The following AMT variants were observed in gnomAD, a reference collection of about 807,000 sequenced individuals.
AMT encodes aminomethyltransferase.
A neutral mutation model predicts 39.5 loss-of-function variants in AMT; 24 were observed. That is an observed-to-expected ratio of 0.61 (90% CI 0.44 to 0.86). The LOEUF (loss-of-function observed/expected upper bound fraction) is 0.86, where lower values mean the gene tolerates loss of function less well. Ranked by LOEUF, AMT falls within the 40% of genes least tolerant of loss-of-function variation. The pLI, the probability that AMT is intolerant of heterozygous loss-of-function variation, is 0.00. For missense variants in AMT, 501 were observed against 537.0 expected (o/e 0.93, Z 0.66); for synonymous variants, 210 against 212.1 (o/e 0.99, Z 0.09).
In AMT at chr3:49,422,374, A is replaced by T. The variant is rs1362609880; in HGVS notation, c.77T>A (p.Leu26His). 17 of 1,613,856 alleles carry T rather than the reference A, an allele frequency of 1.1e-5. No homozygotes were observed. The highest frequency in any genetic ancestry group is 1.3e-5 in the Non-Finnish European group (15 of 1,179,978). The change falls in exon 1 of 9, where the codon CTT becomes CAT. Residue 26 changes from leucine to histidine, a missense_variant. By Grantham distance (99) the Leu-to-His change is moderately conservative (BLOSUM62 -3). Coordinates refer to ENST00000273588, the MANE Select transcript of AMT (RefSeq NM_000481.4). ...CCTCTATCCCACCTGTGCGCAACTA[A>T]GTGGACGACACAAGGCCGGGGGGAA... ...QAFPPALCRP[L>H]SCAQEVLRRT...
At chr3:49,420,066 G>T in intron 4 of AMT, 145 bp downstream of exon 4, 1 of 1,127,578 alleles carries the variant, frequency 8.9e-7, no homozygotes, top group Non-Finnish European at 1.3e-6. Flanking sequence ...CTCCAGAGAG[G>T]GCCTGCTCTT....
Position 49,420,255 on chromosome 3 carries a change from C to G in AMT, c.427G>C (p.Val143Leu), listed in dbSNP as rs777473819. 10 of 1,614,200 alleles carry G rather than the reference C, an allele frequency of 6.2e-6. No individual in the cohort carries two copies. The South Asian group carries it at 1.1e-4, about 18-fold the overall frequency. The change falls in exon 4 of 9, where the codon GTG becomes CTG. Residue 143 changes from valine to leucine, a missense_variant. Physicochemically the swap from Val to Leu is conservative, Grantham distance 32. Transcript: ENST00000273588. ...TTCTCCCAGCAGCCAGCGTTGGACA[C>G]CACATACAGGTGGCCCTCAGAAGTA... Reference protein sequence around the residue: ...TNTSEGHLYVVSNAGCWEKDL... With the variant: ...TNTSEGHLYVLSNAGCWEKDL...
At chr3:49,418,929 C>G (rs536767960) in intron 7 of AMT, 42 bp downstream of exon 7, 3 of 1,607,858 alleles carry the variant, frequency 1.9e-6, no homozygotes, top group East Asian at 2.2e-5. Context: ...AAGGGTCACC[C>G]TGACCTCCAG....
chr3:49,417,839 T>A lies in AMT; in HGVS notation c.1012A>T (p.Asn338Tyr), dbSNP rs1340368768. 1.2e-6 allele frequency: 2 copies of A among 1,613,974 alleles called. No individual in the cohort carries two copies. Among genetic ancestry groups the A allele is most frequent in the Non-Finnish European group, 1.7e-6 (2 of 1,180,028 alleles). Reference protein sequence around the residue: ...APMRAHSPILNMEGTKIGTVT... With the variant: ...APMRAHSPILYMEGTKIGTVT... ...CTACCAATCTTGGTACCCTCCATGT[T>A]CAGGATGGGACTGTGTGCCCGCATG... Residue 338 changes from asparagine to tyrosine, a missense_variant, in exon 8 of 9, where the codon AAC (asparagine) becomes TAC (tyrosine). Physicochemically the swap from Asn to Tyr is moderately radical, Grantham distance 143. Coordinates refer to ENST00000273588, the MANE Select transcript of AMT (RefSeq NM_000481.4).
intron 3 of AMT, chr3:49,421,157 G>C (rs1054864351): frequency 2.8e-6 from 1 of 351,078 alleles, no homozygotes; most frequent in Non-Finnish European, 5.5e-6. Flanking sequence ...CACCCGCCTT[G>C]GCCTCCCCAA....
Position 49,417,838 on chromosome 3 carries a change from T to G in AMT, c.1013A>C (p.Asn338Thr). The change falls in exon 8 of 9, where the codon AAC becomes ACC. Residue 338 changes from asparagine (N) to threonine (T), a missense_variant. Coordinates refer to ENST00000273588, the MANE Select transcript of AMT (RefSeq NM_000481.4). ...CCTACCAATCTTGGTACCCTCCATG[T>G]TCAGGATGGGACTGTGTGCCCGCAT... ...APMRAHSPIL[N>T]MEGTKIGTVT... is the part of the protein sequence containing the mutation. The G allele has an allele frequency of 6.2e-7, 1 of 1,614,106 alleles. No individual in the cohort carries two copies. Among genetic ancestry groups the G allele is most frequent in the South Asian group, 1.1e-5 (1 of 91,084 alleles).
chr3:49,419,506 T>TA (rs780474627), intron 5 of AMT, 101 bp from the exon 6 acceptor site: 88 of 1,558,122 alleles, frequency 5.6e-5, no homozygotes, highest in Non-Finnish European at 7.4e-5. Context: ...GAGCATGTCT[T>TA]ACTCTGCAAG....
chr3:49,417,985 C>A lies in AMT; in HGVS notation c.878-12G>T. The stretch of plus-strand genomic sequence containing the variant: ...TCGGCGGCGCTTCCCTGGAGAATGA[C>A]ACATGAGACATAAGCCACAGCCCAT... On this transcript the variant is annotated splice_polypyrimidine_tract_variant and intron_variant, in intron 7 of 8. Coordinates refer to ENST00000273588, the MANE Select transcript of AMT (RefSeq NM_000481.4). The A allele has an allele frequency of 1.2e-6, 2 of 1,600,948 alleles. No individual in the cohort carries two copies. Among genetic ancestry groups the A allele is most frequent in the Non-Finnish European group, 1.7e-6 (2 of 1,174,586 alleles).
intron 4 of AMT, 127 bp from the exon 5 acceptor site, chr3:49,419,915 A>G (rs1218660543): frequency 2.1e-6 from 2 of 972,794 alleles, no homozygotes; most frequent in African/African-American, 1.6e-5. Context: ...AAAAAAAGGT[A>G]GTAGGCTGGT....
chr3:49,419,907 AAAAAG>A, intron 4 of AMT, 119 bp from the exon 5 acceptor site: 1 of 1,028,368 alleles, frequency 9.7e-7, no homozygotes, highest in Non-Finnish European at 1.5e-6. Context: ...GGGAGGAAAA[AAAAAG>A]GTAGTAGGCT....
rs764050180 is a variant in AMT at position 49,419,766 on chromosome 3, T to G, written c.494A>C (p.Asn165Thr). The change falls in exon 5 of 9, where the codon AAC (asparagine) becomes ACC (threonine). Residue 165 changes from asparagine to threonine, a missense_variant. Physicochemically the swap from Asn to Thr is moderately conservative, Grantham distance 65 (BLOSUM62 0). Transcript: ENST00000273588. The stretch of plus-strand genomic sequence containing the variant: ...CTCCAGGCCCACATCTCTGCCCTGG[T>G]TCTGAAGCTCCCTGACCTTGTCCTA... ...LMQDKVRELQ[N>T]QGRDVGLEVL... 6.2e-6 allele frequency: 10 copies of G among 1,614,086 alleles called. No homozygotes were observed. Among genetic ancestry groups the G allele is most frequent in the Non-Finnish European group, 8.5e-6 (10 of 1,180,022 alleles).
At position 49,419,102 on chromosome 3, in the gene AMT, T is replaced by G; in HGVS notation, c.746A>C (p.Lys249Thr). The change falls in exon 7 of 9, where the codon AAA becomes ACA. Residue 249 changes from lysine (K) to threonine (T), a missense_variant. Physicochemically the swap from Lys to Thr is moderately conservative, Grantham distance 78. Coordinates refer to ENST00000273588, the MANE Select transcript of AMT (RefSeq NM_000481.4). ...CCCTGCCAGCTTCACCTCTGGGTTTTTCAGAATAGCTGTTGCCAGGTGAAC... is the reference window on the plus strand; with the variant it reads ...CCCTGCCAGCTTCACCTCTGGGTTTGTCAGAATAGCTGTTGCCAGGTGAAC... ...GAVHLATAIL[K>T]NPEVKLAGLA... 6.2e-7 allele frequency: 1 copy of G among 1,614,000 alleles called. No homozygotes were observed. The highest frequency in any genetic ancestry group is 8.5e-7 in the Non-Finnish European group (1 of 1,179,980).
intron 5 of AMT, 107 bp from the exon 6 acceptor site, chr3:49,419,512 G>T: frequency 6.5e-7 from 1 of 1,545,268 alleles, no homozygotes; most frequent in Non-Finnish European, 8.8e-7. Context: ...GTCTTACTCT[G>T]CAAGTGGGAG....
At chr3:49,421,874 G>A in intron 2 of AMT, 1 of 731,850 alleles carries the variant, frequency 1.4e-6, no homozygotes, top group South Asian at 1.5e-5. Context: ...GAAAACCCGG[G>A]ACATTAAGGC....
rs1042143894 is a variant in AMT, at chr3:49,418,586, C to T, written c.877+385G>A. ...GCGCAATCTCGGCTCACTGCAAACT[C>T]CGCCGCCCAGGTTCATGCCATTCTC... On this transcript the variant is annotated intron_variant, in intron 7 of 8. Transcript: ENST00000273588. 2.9e-5 allele frequency: 7 copies of T among 242,844 alleles called. No homozygotes were observed. The East Asian group carries it at 7.8e-4, about 27-fold the overall frequency. The allele number at this position is 242,844 out of a possible 1,614,324, so 15.0% of individuals were successfully genotyped here.
In AMT at chr3:49,417,422, C is replaced by T. The variant is rs781578924; in HGVS notation, c.*118G>A. The T allele has an allele frequency of 6.2e-7, 1 of 1,612,038 alleles. No homozygotes were observed. The highest frequency in any genetic ancestry group is 8.5e-7 in the Non-Finnish European group (1 of 1,179,828). ...TAGGTGGTGTGGCCCCTCAACCAGACAATTAGAATCAGCCTCCACCTTAAC... is the reference window on the plus strand; with the variant it reads ...TAGGTGGTGTGGCCCCTCAACCAGATAATTAGAATCAGCCTCCACCTTAAC... On this transcript the variant is annotated 3_prime_UTR_variant, in exon 9 of 9. Coordinates refer to ENST00000273588, the MANE Select transcript of AMT (RefSeq NM_000481.4).
chr3:49,420,747 A>G (rs760015683), intron 3 of AMT: 12 of 268,032 alleles, frequency 4.5e-5, no homozygotes, highest in Admixed American at 2.4e-4. Flanking sequence ...TAAGTACTCC[A>G]TAGCAATGCC....
intron 5 of AMT, 99 bp from the exon 6 acceptor site, chr3:49,419,504 C>T (rs762408187): frequency 2.2e-4 from 346 of 1,560,068 alleles, no homozygotes; most frequent in Non-Finnish European, 2.5e-4. Flanking sequence ...CTGAGCATGT[C>T]TTACTCTGCA....
In AMT at chr3:49,420,278, G is replaced by A. The variant is rs747416022; in HGVS notation, c.404C>T (p.Thr135Ile). 2 of 1,614,190 alleles carry A rather than the reference G, an allele frequency of 1.2e-6. No homozygotes were observed. Among genetic ancestry groups the A allele is most frequent in the East Asian group, 2.2e-5 (1 of 44,892 alleles). The change falls in exon 4 of 9, where the codon ACT becomes ATT. Residue 135 changes from threonine to isoleucine, a missense_variant. Physicochemically the swap from Thr to Ile is moderately conservative, Grantham distance 89. Coordinates refer to ENST00000273588, the MANE Select transcript of AMT (RefSeq NM_000481.4). ...CACCACATACAGGTGGCCCTCAGAA[G>A]TATTGGTTACAATCAAGTCATCTAA... is the stretch of plus-strand genomic sequence containing the variant. ...GILDDLIVTN[T>I]SEGHLYVVSN...
Sources: gnomAD v4.1 joint callset for allele counts on GRCh38, gnomAD v4.1.1 for gene constraint, MANE v1.5 for transcripts, NCBI Gene and HGNC (gene_info 2026-07-23, HGNC 2026-07-21) for gene names.